Variants in ABLIM3 observed in about 807,000 individuals in gnomAD.
ABLIM3 encodes actin-binding LIM protein 3.
Under a neutral mutation model 109.5 loss-of-function variants are expected in ABLIM3, and 61 were observed. That is an observed-to-expected ratio of 0.56 (90% CI 0.45 to 0.69). The LOEUF (loss-of-function observed/expected upper bound fraction) is 0.69, where lower values mean the gene tolerates loss of function less well. Ranked by LOEUF, ABLIM3 falls within the 30% of genes least tolerant of loss-of-function variation. ABLIM3 has a pLI of 0.00. For missense variants in ABLIM3, 796 were observed against 889.5 expected (o/e 0.89, Z 1.34); for synonymous variants, 300 against 324.8 (o/e 0.92, Z 0.82).
chr5:149,198,996 T>A lies in ABLIM3; in HGVS notation c.335+594T>A, dbSNP rs769144274. 6 of 454,958 alleles carry A rather than the reference T, an allele frequency of 1.3e-5. No homozygotes were observed. Among genetic ancestry groups the A allele is most frequent in the African/African-American group, 1.2e-4 (6 of 50,118 alleles). The allele number at this position is 454,958 out of a possible 1,614,324, so 28.2% of individuals were successfully genotyped here. On this transcript the variant is annotated intron_variant, in intron 4 of 23. Transcript: ENST00000309868. This position sits in a 1 kb window ranked among gnomAD's most constrained non-coding sequence, Gnocchi z 4.2. ...GATCAGTATGTGAGAGTGTCTGTTTTTATTATCCTTTTCATTATCATGATG... is the reference window on the plus strand; with the variant it reads ...GATCAGTATGTGAGAGTGTCTGTTTATATTATCCTTTTCATTATCATGATG...
intron 7 of ABLIM3, 63 bp downstream of exon 7, chr5:149,210,882 A>G (rs1267075608): frequency 1.4e-6 from 2 of 1,479,060 alleles, no homozygotes; most frequent in African/African-American, 2.8e-5. Flanking sequence ...AAAAGTCATC[A>G]CAGAAGAAGG....
Position 149,188,309 on chromosome 5 carries a change from A to G in ABLIM3, c.151+4720A>G, listed in dbSNP as rs368506860. ...ATTATTAGAACTAATAAGTTTATCA[A>G]GGTTTCAAGATATAAGATCAAATAC... On this transcript the variant is annotated intron_variant, in intron 3 of 23. Transcript: ENST00000309868. Among the ~76,000 whole-genome samples the G allele has an allele frequency of 3.6e-3, 542 of 152,334 alleles. 3 individuals are homozygous for G. Among genetic ancestry groups the G allele is most frequent in the African/African-American group, 0.012 (506 of 41,584 alleles).
At chr5:149,151,081 G>A (rs942761150) in intron 2 of ABLIM3, among the ~76,000 whole-genome samples, 9 of 152,222 alleles carry the variant, frequency 5.9e-5, no homozygotes, top group African/African-American at 2.2e-4. Flanking sequence ...CAACAGAAAT[G>A]TATTGTTTTA....
At chr5:149,244,628 G>A (rs149060527) in intron 15 of ABLIM3, 76 of 508,018 alleles carry the variant, frequency 1.5e-4, no homozygotes, top group Non-Finnish European at 2.1e-4. Flanking sequence ...GTCCAGTTCT[G>A]GTGCTCACAT....
intron 8 of ABLIM3, 93 bp from the exon 9 acceptor site, chr5:149,230,556 T>A: frequency 7.3e-7 from 1 of 1,368,994 alleles, no homozygotes; most frequent in South Asian, 1.2e-5. Context: ...GTAAGGGACA[T>A]ACGCTGACCA....
chr5:149,143,651 A>G (rs562820452), intron 2 of ABLIM3, among the ~76,000 whole-genome samples: 40 of 152,066 alleles, frequency 2.6e-4, no homozygotes, highest in African/African-American at 9.4e-4. Flanking sequence ...TTGCATATCT[A>G]TGCTAAGCTA....
intron 2 of ABLIM3, among the ~76,000 whole-genome samples, chr5:149,169,450 G>C (rs966980635): frequency 1.3e-5 from 2 of 152,028 alleles, no homozygotes; most frequent in Non-Finnish European, 2.9e-5. Flanking sequence ...TCCCACACCA[G>C]GGGACCTCCC....
In ABLIM3 at chr5:149,198,433, C is replaced by T. The variant is rs1240522404; in HGVS notation, c.335+31C>T. On this transcript the variant is annotated intron_variant, in intron 4 of 23. Transcript: ENST00000309868. This position sits in a 1 kb window ranked among gnomAD's most constrained non-coding sequence, Gnocchi z 4.2. ...TGGGCGACCAGCAGGGCCTGGGACCCTCTGCATAAGCCCCCGGGGCAGGGG... is the reference window on the plus strand; with the variant it reads ...TGGGCGACCAGCAGGGCCTGGGACCTTCTGCATAAGCCCCCGGGGCAGGGG... The T allele has an allele frequency of 6.3e-7, 1 of 1,575,530 alleles. No homozygotes were observed. Among genetic ancestry groups the T allele is most frequent in the Non-Finnish European group, 8.6e-7 (1 of 1,161,658 alleles).
chr5:149,204,157 A>T (rs943323069), intron 5 of ABLIM3, among the ~76,000 whole-genome samples: 1 of 152,226 alleles, frequency 6.6e-6, no homozygotes, highest in South Asian at 2.1e-4. Context: ...TCTAAAAAGG[A>T]TAAAAATGGC....
intron 8 of ABLIM3, chr5:149,219,802 TCTC>T: frequency 6.6e-6 from 1 of 152,192 alleles, no homozygotes; most frequent in East Asian, 1.9e-4. Context: ...ACAATATTCC[TCTC>T]CTCCTTCCCT....
chr5:149,223,658 A>T (rs927738561), intron 8 of ABLIM3, among the ~76,000 whole-genome samples: 6 of 152,154 alleles, frequency 3.9e-5, no homozygotes, highest in Non-Finnish European at 8.8e-5. Flanking sequence ...ATGCAGTAGG[A>T]CAGAGGGCCT....
chr5:149,259,434 G>T lies in ABLIM3; in HGVS notation c.*1030G>T. 1 of 1,520,978 alleles carries T rather than the reference G, an allele frequency of 6.6e-7. No individual in the cohort carries two copies. The highest frequency in any genetic ancestry group is 8.8e-7 in the Non-Finnish European group (1 of 1,137,698). The allele number at this position is 1,520,978 out of a possible 1,614,324, so 94.2% of individuals were successfully genotyped here. A position where few individuals can be genotyped will look rare whatever the true frequency, so the allele number is the denominator to read the frequency against. ...ATCCTCCAGAGAGAAAATAGGCCGT[G>T]TCTCAAAGAAAGGTTCTTGGTCTAT... is the stretch of plus-strand genomic sequence containing the variant. On this transcript the variant is annotated 3_prime_UTR_variant, in exon 24 of 24. Coordinates refer to ENST00000309868, the MANE Select transcript of ABLIM3 (RefSeq NM_014945.5).
chr5:149,200,756 A>C (rs1758415629), intron 5 of ABLIM3: 2 of 307,602 alleles, frequency 6.5e-6, no homozygotes, highest in Non-Finnish European at 1.2e-5. Flanking sequence ...TTTTTTCACC[A>C]GTGGCTCTGA....
intron 8 of ABLIM3, among the ~76,000 whole-genome samples, chr5:149,224,323 C>T (rs1760956867): frequency 1.3e-5 from 2 of 152,252 alleles, no homozygotes; most frequent in East Asian, 1.9e-4. Flanking sequence ...TGCCATTTTC[C>T]CCTTCTCATC....
At position 149,225,958 on chromosome 5, in the gene ABLIM3, ATGTGTGTGTG is replaced by A. The variant is rs372337062; in HGVS notation, c.758-4675_758-4666del. ...ATATATATGTATGTATGTATATAAT[ATGTGTGTGTG>A]TGTGTGTGTGTGTGTATATATATAT... On this transcript the variant is annotated intron_variant, in intron 8 of 23. Transcript: ENST00000309868. 5.8e-4 allele frequency among the ~76,000 whole-genome samples: 57 copies of A among 98,076 alleles called. 1 individual carries two copies. In the East Asian group the frequency reaches 0.01, roughly 18 times the overall value. The allele number at this position is 98,076 out of a possible 152,430, so 64.3% of individuals were successfully genotyped here.
intron 3 of ABLIM3, among the ~76,000 whole-genome samples, chr5:149,190,039 G>A (rs1757335193): frequency 6.6e-6 from 1 of 152,156 alleles, no homozygotes; most frequent in African/African-American, 2.4e-5. Context: ...CAATAAAAAG[G>A]AATGAAATAC....
chr5:149,209,476 G>A (rs937979031), intron 6 of ABLIM3, among the ~76,000 whole-genome samples: 1 of 152,136 alleles, frequency 6.6e-6, no homozygotes, highest in Non-Finnish European at 1.5e-5. Flanking sequence ...GTTGTGTAAG[G>A]GCTCAGAGAT....
Position 149,216,663 on chromosome 5 carries a change from C to T in ABLIM3, c.670-296C>T, listed in dbSNP as rs903696409. 4 of 356,550 alleles carry T rather than the reference C, an allele frequency of 1.1e-5. No homozygotes were observed. In the East Asian group the frequency reaches 1.9e-4, roughly 17 times the overall value. 22.1% of individuals were successfully genotyped at this position (356,550 alleles called of 1,614,324 possible). A position where few individuals can be genotyped will look rare whatever the true frequency, so the allele number is the denominator to read the frequency against. On this transcript the variant is annotated intron_variant, in intron 7 of 23. Coordinates refer to ENST00000309868, the MANE Select transcript of ABLIM3 (RefSeq NM_014945.5). ...CCTCAAAGCAAGCCTGTTTCCTCCT[C>T]TGGAAATGAGGAAGTTGGACCAGTG...
chr5:149,203,318 C>T (rs949050538), intron 5 of ABLIM3, among the ~76,000 whole-genome samples: 2 of 127,316 alleles, frequency 1.6e-5, no homozygotes, highest in Non-Finnish European at 3.4e-5. Flanking sequence ...TCCATCACTA[C>T]TACCACCATA....
Sources: allele counts gnomAD v4.1 joint callset (sites outside exome capture counted in the v4.1 genomes callset), GRCh38; gene constraint gnomAD v4.1.1; non-coding constraint Gnocchi (gnomAD v3.1); transcripts MANE v1.5; gene names NCBI Gene and HGNC (gene_info 2026-07-23, HGNC 2026-07-21).